FNTB: variants seen among roughly 807,000 people sequenced by gnomAD.
FNTB encodes the protein farnesyltransferase, CAAX box, subunit beta.
A neutral mutation model predicts 59.4 loss-of-function variants in FNTB; 27 were observed. That is an observed-to-expected ratio of 0.45 (90% CI 0.34 to 0.63). The LOEUF is 0.63. Ranked by LOEUF, FNTB falls within the 20% of genes least tolerant of loss-of-function variation. The pLI, the probability that FNTB is intolerant of heterozygous loss-of-function variation, is 0.02. For missense variants in FNTB, 449 were observed against 559.6 expected, an observed-to-expected ratio of 0.80 and a Z score of 1.99; for synonymous variants, 230 against 220.7, an observed-to-expected ratio of 1.04 and a Z score of -0.37.
intron 4 of FNTB, among the ~76,000 whole-genome samples, chr14:65,020,459 T>C (rs1454311497): frequency 1.3e-5 from 2 of 151,982 alleles, no homozygotes; most frequent in African/African-American, 4.8e-5. Flanking sequence ...AGAGTCTCGC[T>C]CTGTTGCCCA....
At chr14:65,024,282 T>G (rs998875050) in intron 4 of FNTB, among the ~76,000 whole-genome samples, 1 of 152,252 alleles carries the variant, frequency 6.6e-6, no homozygotes, top group South Asian at 2.1e-4. Flanking sequence ...GTCCCACCCA[T>G]AGTGATTCCG....
chr14:65,040,534 C>T (rs1424236647), intron 7 of FNTB, among the ~76,000 whole-genome samples: 2 of 151,426 alleles, frequency 1.3e-5, no homozygotes, highest in African/African-American at 2.4e-5. Flanking sequence ...TCGAACTCCT[C>T]GCCTCAAGTG....
intron 2 of FNTB, among the ~76,000 whole-genome samples, chr14:65,008,484 A>G (rs1014933006): frequency 1.3e-5 from 2 of 152,386 alleles, no homozygotes; most frequent in Middle Eastern, 3.4e-3. Context: ...GACATTAAAC[A>G]AATGAACACA....
chr14:65,054,753 A>G lies in FNTB; in HGVS notation c.1182+64A>G. ...GGACCTCGCGGACAGAAGGCTTTCC[A>G]AGTAAGCAGAACTGGCTCTGCATTT... On this transcript the variant is annotated intron_variant, in intron 11 of 11. Transcript: ENST00000246166. This position sits in a 1 kb window ranked among gnomAD's most constrained non-coding sequence, Gnocchi z 4.4. 6.6e-7 allele frequency: 1 copy of G among 1,513,882 alleles called. No homozygotes were observed. Among genetic ancestry groups the G allele is most frequent in the Non-Finnish European group, 9.0e-7 (1 of 1,114,068 alleles). 93.8% of individuals were successfully genotyped at this position (1,513,882 alleles called of 1,614,324 possible).
intron 4 of FNTB, chr14:65,021,897 C>T (rs1184268253): frequency 1.3e-5 from 6 of 455,406 alleles, no homozygotes; most frequent in South Asian, 6.2e-5. Flanking sequence ...CCGCCCACGT[C>T]GGCCTCCCAA....
chr14:65,000,366 A>G (rs757699132), intron 1 of FNTB, among the ~76,000 whole-genome samples: 4 of 152,156 alleles, frequency 2.6e-5, no homozygotes, highest in Non-Finnish European at 5.9e-5. Context: ...TTTTCTTGTT[A>G]TTATGTCAAT....
chr14:65,010,193 C>G (rs1361447737), intron 2 of FNTB, among the ~76,000 whole-genome samples: 1 of 152,196 alleles, frequency 6.6e-6, no homozygotes, highest in African/African-American at 2.4e-5. Flanking sequence ...CATGACACTT[C>G]CTTTGCTCTT....
chr14:65,005,454 T>TTTCC (rs1566864745), intron 2 of FNTB, among the ~76,000 whole-genome samples: 1 of 56,446 alleles, frequency 1.8e-5, no homozygotes, highest in African/African-American at 6.8e-5. Context: ...CTTTCTTTTC[T>TTTCC]TTCTTTCTTT....
intron 7 of FNTB, among the ~76,000 whole-genome samples, chr14:65,038,104 T>C (rs1471422940): frequency 6.6e-6 from 1 of 152,094 alleles, no homozygotes; most frequent in Non-Finnish European, 1.5e-5. Flanking sequence ...TACATTTGAT[T>C]GTCTGACTTT....
intron 11 of FNTB, among the ~76,000 whole-genome samples, chr14:65,059,296 A>G (rs2062809723): frequency 6.6e-6 from 1 of 150,856 alleles, no homozygotes; most frequent in South Asian, 2.1e-4. Flanking sequence ...CTGGGATTAT[A>G]GGTGTGAGCC....
In FNTB at chr14:65,044,142, A is replaced by G. The variant is rs577948290; in HGVS notation, c.823-169A>G. 3.9e-5 allele frequency among the ~76,000 whole-genome samples: 6 copies of G among 152,256 alleles called. No individual in the cohort carries two copies. Among genetic ancestry groups the G allele is most frequent in the South Asian group, 2.1e-4 (1 of 4,830 alleles). On this transcript the variant is annotated intron_variant, in intron 8 of 11. Transcript: ENST00000246166. The surrounding 1 kb of genome is among the most constrained non-coding windows in gnomAD (Gnocchi z 5.5). ...GGCTTAAATGCTTCACTCTGTGTCTATGGCAGTGTGGGGAGGGAAGGAAAG... is the reference window on the plus strand; with the variant it reads ...GGCTTAAATGCTTCACTCTGTGTCTGTGGCAGTGTGGGGAGGGAAGGAAAG...
At chr14:65,057,625 G>A (rs944550533) in intron 11 of FNTB, among the ~76,000 whole-genome samples, 3 of 152,092 alleles carry the variant, frequency 2.0e-5, no homozygotes, top group Non-Finnish European at 4.4e-5. Flanking sequence ...TGCTATGAAG[G>A]GAATGAACAA....
In FNTB at chr14:65,032,338, C is replaced by A; in HGVS notation, c.606-272C>A. 3.2e-6 allele frequency: 1 copy of A among 307,866 alleles called. No individual in the cohort carries two copies. Among genetic ancestry groups the A allele is most frequent in the South Asian group, 8.0e-5 (1 of 12,506 alleles). 19.1% of individuals were successfully genotyped at this position (307,866 alleles called of 1,614,324 possible). A position where few individuals can be genotyped will look rare whatever the true frequency, so the allele number is the denominator to read the frequency against. On this transcript the variant is annotated intron_variant, in intron 6 of 11. Coordinates refer to ENST00000246166, the MANE Select transcript of FNTB (RefSeq NM_002028.4). The surrounding 1 kb of genome is among the most constrained non-coding windows in gnomAD (Gnocchi z 5.0). ...CCACTTTTGACATGAATTGATATGG[C>A]TGTTATTTCCTCTGATGTAGATTGG...
intron 8 of FNTB, among the ~76,000 whole-genome samples, chr14:65,043,819 A>C (rs2062408668): frequency 9.0e-6 from 1 of 111,730 alleles, no homozygotes; most frequent in Non-Finnish European, 1.7e-5. Flanking sequence ...ACAGAGCGAG[A>C]CTCCGTCTCA....
chr14:64,987,034 G>C lies in FNTB; in HGVS notation c.81G>C (p.Arg27Ser), dbSNP rs1430776028. 1 of 1,614,116 alleles carries C rather than the reference G, an allele frequency of 6.2e-7. No individual in the cohort carries two copies. The highest frequency in any genetic ancestry group is 1.7e-5 in the Admixed American group (1 of 60,016). ...GGTCAGAGCCGCTGTACAGTCTGAG[G>C]CCCGAGCACGCGCGAGAGCGGTTGC... ...PVWSEPLYSL[R>S]PEHARERLQD... The change falls in exon 1 of 12, where the codon AGG becomes AGC. Residue 27 changes from arginine to serine, a missense_variant. Arg to Ser is a moderately radical substitution (Grantham distance 110). Transcript: ENST00000246166.
chr14:64,993,458 T>G (rs970261649), intron 1 of FNTB, among the ~76,000 whole-genome samples: 3 of 152,208 alleles, frequency 2.0e-5, no homozygotes, highest in African/African-American at 7.2e-5. Context: ...CAGCTGGTAC[T>G]TTGTATTCAA....
In FNTB at chr14:65,027,924, CAGA is replaced by C; in HGVS notation, c.605+145_605+147del. On this transcript the variant is annotated intron_variant, in intron 6 of 11. Transcript: ENST00000246166. This position sits in a 1 kb window ranked among gnomAD's most constrained non-coding sequence, Gnocchi z 5.7. ...ATGGGATGACATGTCAGTGACACGTCAGAATCATTCAGATGTGATGCAGATGTC... is the reference window on the plus strand; with the variant it reads ...ATGGGATGACATGTCAGTGACACGTCATCATTCAGATGTGATGCAGATGTC... The C allele has an allele frequency of 5.0e-6, 5 of 1,003,436 alleles. No homozygotes were observed. Among genetic ancestry groups the C allele is most frequent in the Non-Finnish European group, 7.4e-6 (5 of 675,794 alleles). 62.2% of individuals were successfully genotyped at this position (1,003,436 alleles called of 1,614,324 possible).
intron 3 of FNTB, among the ~76,000 whole-genome samples, chr14:65,015,153 A>G (rs1814145602): frequency 6.8e-6 from 1 of 147,832 alleles, no homozygotes; most frequent in Non-Finnish European, 1.5e-5. Context: ...CCTAGGCTGG[A>G]GTGCAGTGGT....
intron 1 of FNTB, among the ~76,000 whole-genome samples, chr14:65,000,603 G>A (rs755139895): frequency 1.3e-5 from 2 of 151,876 alleles, no homozygotes; most frequent in African/African-American, 2.4e-5. Flanking sequence ...GGCAGATCAC[G>A]AGGTCAGGAG....
Sources: gnomAD v4.1 joint callset for allele counts (sites outside exome capture counted in the v4.1 genomes callset) on GRCh38, gnomAD v4.1.1 for gene constraint, Gnocchi (gnomAD v3.1) non-coding constraint, MANE v1.5 for transcripts, NCBI Gene and HGNC (gene_info 2026-07-23, HGNC 2026-07-21) for gene names.